NBEA: variants seen among roughly 807,000 people sequenced by gnomAD.
NBEA encodes neurobeachin.
Under a neutral mutation model 343.4 loss-of-function variants are expected in NBEA, and 44 were observed. That is an observed-to-expected ratio of 0.13 (90% confidence interval 0.10 to 0.16). NBEA has a LOEUF of 0.16. Ranked by LOEUF, NBEA falls within the 10% of genes least tolerant of loss-of-function variation. NBEA has a pLI of 1.00. For missense variants in NBEA, 2,555 were observed against 3,631.3 expected (o/e 0.70, Z 7.62); for synonymous variants, 1,175 against 1,238.7 (o/e 0.95, Z 1.08).
chr13:34,989,674 C>T (rs1329660522), intron 1 of NBEA, among the ~76,000 whole-genome samples: 1 of 150,738 alleles, frequency 6.6e-6, no homozygotes, highest in Non-Finnish European at 1.5e-5. Flanking sequence ...CTAGCCCTCC[C>T]AAATCTCATG....
rs751415745 is a variant in NBEA, at chr13:35,645,860, C to T, written c.7618-9C>T. On this transcript the variant is annotated splice_polypyrimidine_tract_variant and intron_variant, in intron 49 of 58. Coordinates refer to ENST00000379939, the MANE Select transcript of NBEA (RefSeq NM_001385012.1). ...ACTTCATGTCTCATTCTTTTTTTTC[C>T]CCATTAAGATTCCAGAAGCTTATTT... is the stretch of plus-strand genomic sequence containing the variant. The T allele has an allele frequency of 1.3e-6, 2 of 1,533,856 alleles. No homozygotes were observed. The highest frequency in any genetic ancestry group is 2.3e-5 in the East Asian group (1 of 43,660).
intron 1 of NBEA, among the ~76,000 whole-genome samples, chr13:34,996,155 A>G (rs998120916): frequency 1.3e-5 from 2 of 152,196 alleles, no homozygotes; most frequent in Non-Finnish European, 2.9e-5. Context: ...TGAATGTGCA[A>G]ATTACAACCT....
intron 33 of NBEA, among the ~76,000 whole-genome samples, chr13:35,214,419 T>C (rs1265353315): frequency 6.6e-6 from 1 of 151,900 alleles, no homozygotes; most frequent in Non-Finnish European, 1.5e-5. Context: ...TTGTCAGTCT[T>C]TTTAAGACTT....
chr13:35,024,273 C>T (rs1365898784), intron 1 of NBEA, among the ~76,000 whole-genome samples: 1 of 152,128 alleles, frequency 6.6e-6, no homozygotes, highest in Non-Finnish European at 1.5e-5. Context: ...CATGCCTTTG[C>T]TATTGTGAAT....
intron 34 of NBEA, among the ~76,000 whole-genome samples, chr13:35,246,312 T>A (rs73167802): frequency 0.052 from 7,971 of 152,200 alleles, 227 homozygotes; most frequent in South Asian, 0.078. Context: ...TTGGTTTGGA[T>A]CTTTTGGTAG....
chr13:34,945,964 A>G (rs953300151), intron 1 of NBEA, among the ~76,000 whole-genome samples: 12 of 152,240 alleles, frequency 7.9e-5, no homozygotes, highest in Admixed American at 7.8e-4. Context: ...TTTTACTACT[A>G]GGTGGATTGT....
At chr13:35,653,596 C>A (rs1171934658) in intron 53 of NBEA, among the ~76,000 whole-genome samples, 1 of 152,004 alleles carries the variant, frequency 6.6e-6, no homozygotes, top group Non-Finnish European at 1.5e-5. Flanking sequence ...CTCCCAGAGT[C>A]CTGGGATTAC....
chr13:35,216,366 C>T (rs1440156996), intron 33 of NBEA, among the ~76,000 whole-genome samples: 5 of 151,870 alleles, frequency 3.3e-5, no homozygotes, highest in Non-Finnish European at 1.5e-5. Flanking sequence ...TATGTATTGC[C>T]TATCACTGCT....
At chr13:35,296,455 A>G (rs183723169) in intron 35 of NBEA, among the ~76,000 whole-genome samples, 22 of 152,026 alleles carry the variant, frequency 1.4e-4, no homozygotes, top group Admixed American at 1.2e-3. Context: ...TTCTAATAAA[A>G]TTGAGGGAAA....
chr13:35,127,563 A>C (rs1186451343), intron 17 of NBEA, among the ~76,000 whole-genome samples: 1 of 152,256 alleles, frequency 6.6e-6, no homozygotes, highest in Non-Finnish European at 1.5e-5. Flanking sequence ...GAGCAAGTGC[A>C]AAGAGTCAGA....
At chr13:35,264,021 G>T (rs1219876070) in intron 34 of NBEA, among the ~76,000 whole-genome samples, 2 of 150,064 alleles carry the variant, frequency 1.3e-5, no homozygotes, top group African/African-American at 4.9e-5. Context: ...CAAACCATTA[G>T]CTAGACTAAG....
chr13:35,452,356 A>T lies in NBEA; in HGVS notation c.6448+121A>T, dbSNP rs1477394737. On this transcript the variant is annotated intron_variant, in intron 40 of 58. Coordinates refer to ENST00000379939, the MANE Select transcript of NBEA (RefSeq NM_001385012.1). ...GTTGTAACAATGCTCAATCACATGA[A>T]TGTTAAAACTCTACTTTATCTCATT... The T allele has an allele frequency of 4.3e-6, 3 of 704,100 alleles. No individual in the cohort carries two copies. The East Asian group carries it at 8.2e-5, about 19-fold the overall frequency. The allele number at this position is 704,100 out of a possible 1,614,324, so 43.6% of individuals were successfully genotyped here.
intron 36 of NBEA, among the ~76,000 whole-genome samples, chr13:35,311,755 G>C (rs373502420): frequency 6.6e-6 from 1 of 152,244 alleles, no homozygotes; most frequent in East Asian, 1.9e-4. Flanking sequence ...TCAGGAGGCT[G>C]AGGCAGGAGA....
intron 17 of NBEA, among the ~76,000 whole-genome samples, chr13:35,130,026 T>A (rs1199650287): frequency 6.6e-6 from 1 of 152,134 alleles, no homozygotes; most frequent in Non-Finnish European, 1.5e-5. Context: ...GATTTACTTT[T>A]AAAAAATGCT....
intron 1 of NBEA, among the ~76,000 whole-genome samples, chr13:34,959,774 T>A (rs977781782): frequency 1.1e-4 from 17 of 152,100 alleles, no homozygotes; most frequent in Admixed American, 9.8e-4. Context: ...GAAAAATTCT[T>A]ATCTCCTAGT....
At chr13:35,362,118 A>G (rs757383350) in intron 38 of NBEA, among the ~76,000 whole-genome samples, 9 of 152,046 alleles carry the variant, frequency 5.9e-5, no homozygotes, top group Non-Finnish European at 1.0e-4. Flanking sequence ...TCAGTTGTCA[A>G]CACTAGTATT....
At chr13:35,556,387 G>C (rs896853451) in intron 44 of NBEA, among the ~76,000 whole-genome samples, 11 of 152,150 alleles carry the variant, frequency 7.2e-5, no homozygotes, top group African/African-American at 2.2e-4. Flanking sequence ...CTGTCCTGGA[G>C]CATAAGTTGA....
chr13:35,539,547 A>G (rs1021509752), intron 41 of NBEA, among the ~76,000 whole-genome samples: 3 of 152,176 alleles, frequency 2.0e-5, no homozygotes, highest in African/African-American at 7.2e-5. Context: ...CATAAATTGT[A>G]CTATGATTTT....
At chr13:35,313,154 C>T (rs192453086) in intron 36 of NBEA, among the ~76,000 whole-genome samples, 7 of 152,230 alleles carry the variant, frequency 4.6e-5, no homozygotes, top group East Asian at 3.9e-4. Context: ...GGTTGTTTCT[C>T]GACTTTGAGG....
Sources: allele counts gnomAD v4.1 joint callset (sites outside exome capture counted in the v4.1 genomes callset), GRCh38; gene constraint gnomAD v4.1.1; transcripts MANE v1.5; gene names NCBI Gene and HGNC (gene_info 2026-07-23, HGNC 2026-07-21).